The following LOXHD1 variants were observed in gnomAD, a reference collection of about 807,000 sequenced individuals.
The protein encoded by LOXHD1 is lipoxygenase homology PLAT domains 1.
LOXHD1 carries 205 observed loss-of-function variants against 248.2 expected under a neutral mutation model. That is an observed-to-expected ratio of 0.83 (90% CI 0.74 to 0.93). LOXHD1 has a LOEUF of 0.93. Ranked by LOEUF, LOXHD1 falls within the 40% of genes least tolerant of loss-of-function variation. The probability of loss-of-function intolerance (pLI) is 0.00; values close to 1 mark genes in which losing one functional copy is unlikely to be tolerated. For missense variants in LOXHD1, 2,930 were observed against 2,971.6 expected (o/e 0.99, Z 0.33); for synonymous variants, 1,113 against 1,162.8 (o/e 0.96, Z 0.87).
intron 36 of LOXHD1, 102 bp from the exon 37 acceptor site, chr18:46,506,125 A>G (rs977479681): frequency 7.6e-5 from 97 of 1,284,716 alleles, no homozygotes; most frequent in Non-Finnish European, 1.0e-4. Flanking sequence ...TCAGGGGTAC[A>G]GGTGGACAGA....
intron 8 of LOXHD1, among the ~76,000 whole-genome samples, chr18:46,598,766 C>T (rs1268937743): frequency 6.6e-6 from 1 of 151,904 alleles, no homozygotes; most frequent in East Asian, 1.9e-4. Context: ...TTCTTTATCA[C>T]AAAATATAAA....
chr18:46,518,294 C>A, intron 33 of LOXHD1, 38 bp from the exon 34 acceptor site: 3 of 1,545,302 alleles, frequency 1.9e-6, no homozygotes, highest in Non-Finnish European at 2.6e-6. Flanking sequence ...GTCTCAGCCT[C>A]ACCCTCCAAC....
chr18:46,557,286 G>A, intron 21 of LOXHD1, 70 bp downstream of exon 21: 1 of 1,541,784 alleles, frequency 6.5e-7, no homozygotes, highest in East Asian at 2.4e-5. Context: ...CTTCTTCCAG[G>A]ACTACCTCTG....
rs115655556 is a variant in LOXHD1, at chr18:46,648,325, G to A, written c.245+830C>T. Among the ~76,000 whole-genome samples the A allele has an allele frequency of 4.7e-3, 717 of 152,216 alleles. 3 individuals are homozygous for A. Among genetic ancestry groups the A allele is most frequent in the African/African-American group, 0.016 (685 of 41,544 alleles). ...AAAAAAAAACGTGGGGTTTAAGGACGAGCTTCACCATTGAAAAGCTCCATG... is the reference window on the plus strand; with the variant it reads ...AAAAAAAAACGTGGGGTTTAAGGACAAGCTTCACCATTGAAAAGCTCCATG... On this transcript the variant is annotated intron_variant, in intron 2 of 40. Transcript: ENST00000642948.
intron 37 of LOXHD1, among the ~76,000 whole-genome samples, chr18:46,495,755 T>C (rs2033822820): frequency 6.6e-6 from 1 of 152,214 alleles, no homozygotes. Context: ...GAGTGGAAAT[T>C]GAACAATACA....
intron 28 of LOXHD1, among the ~76,000 whole-genome samples, chr18:46,532,638 G>A (rs928605417): frequency 2.6e-5 from 4 of 152,202 alleles, no homozygotes; most frequent in African/African-American, 9.7e-5. Context: ...AAGAATGGAC[G>A]TGTTAACCAG....
chr18:46,559,519 C>A lies in LOXHD1; in HGVS notation c.3145G>T (p.Glu1049Ter). The A allele has an allele frequency of 6.4e-7, 1 of 1,552,052 alleles. No individual in the cohort carries two copies. Among genetic ancestry groups the A allele is most frequent in the Non-Finnish European group, 8.7e-7 (1 of 1,147,080 alleles). The change falls in exon 20 of 41, where the codon GAG becomes TAG. Residue 1049 changes from glutamate to a stop codon, truncating the protein, a stop_gained. Transcript: ENST00000642948. LOFTEE classifies it high-confidence loss of function. ...DANVYLTIYG[E>*]EYGDTGERPL... Reference sequence around the variant, plus strand: ...CGTTCGCCCGTGTCTCCATACTCCTCGCCGTAGATGGTTAGGTAGACGTTA... The same window carrying A: ...CGTTCGCCCGTGTCTCCATACTCCTAGCCGTAGATGGTTAGGTAGACGTTA...
chr18:46,625,722 G>C (rs1434768706), intron 4 of LOXHD1, among the ~76,000 whole-genome samples: 1 of 152,114 alleles, frequency 6.6e-6, no homozygotes. Context: ...ACATAGGAGG[G>C]AGTAGATCAG....
At chr18:46,529,979 C>T (rs7239183) in intron 28 of LOXHD1, among the ~76,000 whole-genome samples, 114,577 of 151,958 alleles carry the variant, frequency 0.75, 43,791 homozygotes, top group Non-Finnish European at 0.83. Context: ...AAAATTATTA[C>T]GAAAAACAAA....
chr18:46,635,227 C>G (rs1375004143), intron 4 of LOXHD1, among the ~76,000 whole-genome samples: 1 of 151,972 alleles, frequency 6.6e-6, no homozygotes, highest in Non-Finnish European at 1.5e-5. Flanking sequence ...CTCAGGGAGA[C>G]TAGGGGGTTT....
At chr18:46,605,676 G>C (rs1179695552) in intron 6 of LOXHD1, among the ~76,000 whole-genome samples, 1 of 152,168 alleles carries the variant, frequency 6.6e-6, no homozygotes, top group African/African-American at 2.4e-5. Flanking sequence ...TCCAGGATCT[G>C]AGAACTGGAC....
chr18:46,539,196 C>G (rs2036449653), intron 25 of LOXHD1, among the ~76,000 whole-genome samples: 1 of 152,214 alleles, frequency 6.6e-6, no homozygotes, highest in Admixed American at 6.5e-5. Context: ...TGTGGTGGCT[C>G]ATGCCTGTAA....
At position 46,518,048 on chromosome 18, in the gene LOXHD1, C is replaced by T. The variant is rs528900560; in HGVS notation, c.5399+81G>A. The T allele has an allele frequency of 7.2e-6, 11 of 1,524,770 alleles. No individual in the cohort carries two copies. The East Asian group carries it at 2.5e-4, about 34-fold the overall frequency. The allele number at this position is 1,524,770 out of a possible 1,614,324, so 94.5% of individuals were successfully genotyped here. A position where few individuals can be genotyped will look rare whatever the true frequency, so the allele number is the denominator to read the frequency against. The stretch of plus-strand genomic sequence containing the variant: ...TGGTCTGCAGCGGGCATGTGAGAAT[C>T]AGCCTGGCTGAAGGCAGGGTGGGGC... On this transcript the variant is annotated intron_variant, in intron 34 of 40. Coordinates refer to ENST00000642948, the MANE Select transcript of LOXHD1 (RefSeq NM_001384474.1).
intron 5 of LOXHD1, among the ~76,000 whole-genome samples, chr18:46,611,836 C>T (rs779898660): frequency 2.0e-5 from 3 of 152,190 alleles, no homozygotes; most frequent in Non-Finnish European, 2.9e-5. Flanking sequence ...CTACTCCTTT[C>T]CCAAAATAAA....
chr18:46,567,553 C>A lies in LOXHD1; in HGVS notation c.2245-1104G>T, dbSNP rs578086771. Among the ~76,000 whole-genome samples, 154 of 152,292 alleles carry A rather than the reference C, an allele frequency of 1.0e-3. 1 individual carries two copies. Among genetic ancestry groups the A allele is most frequent in the South Asian group, 3.1e-3 (15 of 4,822 alleles). On this transcript the variant is annotated intron_variant, in intron 16 of 40. Coordinates refer to ENST00000642948, the MANE Select transcript of LOXHD1 (RefSeq NM_001384474.1). ...TATGAAAGTCCCAGGGAGGGATTGG[C>A]TGAAAGGGTAAAGACAGAGGTAAGT...
rs1318509672 is a variant in LOXHD1, at chr18:46,488,145, A to C, written c.6049+827T>G. On this transcript the variant is annotated intron_variant, in intron 38 of 40. Coordinates refer to ENST00000642948, the MANE Select transcript of LOXHD1 (RefSeq NM_001384474.1). ...GTAAGGCTGACTGGGCAGCCTTAAAAGGCTTCAAGAGTGGGAGCATAGGGA... is the reference window on the plus strand; with the variant it reads ...GTAAGGCTGACTGGGCAGCCTTAAACGGCTTCAAGAGTGGGAGCATAGGGA... 2.6e-5 allele frequency among the ~76,000 whole-genome samples: 4 copies of C among 152,290 alleles called. No homozygotes were observed. In the East Asian group the frequency reaches 7.7e-4, roughly 29 times the overall value.
rs766821298 is a variant in LOXHD1, at chr18:46,591,909, G to A, written c.1654+24C>T. 18 of 1,551,206 alleles carry A rather than the reference G, an allele frequency of 1.2e-5. 1 individual carries two copies. The South Asian group carries it at 2.0e-4, about 17-fold the overall frequency. On this transcript the variant is annotated intron_variant, in intron 12 of 40. Coordinates refer to ENST00000642948, the MANE Select transcript of LOXHD1 (RefSeq NM_001384474.1). ...AAGCAGGAGTTCCACTGCCTCCCAG[G>A]ATGGAGAGCCTGTCAGTACTTACTG...
At chr18:46,630,869 G>T (rs1038141637) in intron 4 of LOXHD1, among the ~76,000 whole-genome samples, 3 of 152,160 alleles carry the variant, frequency 2.0e-5, no homozygotes, top group African/African-American at 7.2e-5. Flanking sequence ...GTGCTACAGG[G>T]ACCTCAGAGA....
intron 19 of LOXHD1, 32 bp downstream of exon 19, chr18:46,560,051 C>CGA (rs2037480932): frequency 3.4e-5 from 45 of 1,310,678 alleles, no homozygotes; most frequent in Non-Finnish European, 4.4e-5. Context: ...TGGCCACTCC[C>CGA]TCCCCACCCC....
Sources: allele counts gnomAD v4.1 joint callset (sites outside exome capture counted in the v4.1 genomes callset), GRCh38; gene constraint gnomAD v4.1.1; transcripts MANE v1.5; gene names NCBI Gene and HGNC (gene_info 2026-07-23, HGNC 2026-07-21).